The following NEK9 variants were observed in gnomAD, a reference collection of about 807,000 sequenced individuals.
NEK9 encodes the protein NIMA related kinase 9.
NEK9 carries 75 observed loss-of-function variants against 123.4 expected under a neutral mutation model. The observed-to-expected ratio is 0.61, with a 90% CI of 0.50 to 0.74. The LOEUF (loss-of-function observed/expected upper bound fraction) is 0.74. Among genes scored for constraint, NEK9 ranks in the 30% least tolerant of loss-of-function variants. NEK9 has a pLI of 0.00. For missense variants in NEK9, 952 were observed against 1,214.4 expected, an observed-to-expected ratio of 0.78 and a Z score of 3.21; for synonymous variants, 438 against 458.7, an observed-to-expected ratio of 0.95 and a Z score of 0.58.
At position 75,080,436 on chromosome 14, in the gene NEK9, TC is replaced by T. The variant is rs1255988657; in HGVS notation, c.*4127del. The T allele has an allele frequency of 6.6e-6, 1 of 152,196 alleles. No homozygotes were observed. Among genetic ancestry groups the T allele is most frequent in the Non-Finnish European group, 1.5e-5 (1 of 68,026 alleles). 9.4% of individuals were successfully genotyped at this position (152,196 alleles called of 1,614,324 possible). ...ACCTTTTTTTAAAAAAATCTGAATT[TC>T]TTCCTGGATAGCTCAGACGATGACA... On this transcript the variant is annotated 3_prime_UTR_variant, in exon 22 of 22. Coordinates refer to ENST00000238616, the MANE Select transcript of NEK9 (RefSeq NM_033116.6).
chr14:75,113,355 G>A lies in NEK9; in HGVS notation c.922C>T (p.Leu308Phe), dbSNP rs1895018522. The A allele has an allele frequency of 1.2e-6, 2 of 1,613,718 alleles. No individual in the cohort carries two copies. Among genetic ancestry groups the A allele is most frequent in the Non-Finnish European group, 1.7e-6 (2 of 1,179,636 alleles). Residue 308 changes from leucine (L) to phenylalanine (F), a missense_variant, in exon 8 of 22, where the codon CTC becomes TTC. Coordinates refer to ENST00000238616, the MANE Select transcript of NEK9 (RefSeq NM_033116.6). ...TADELLDRPL[L>F]RKRRREMEEK... ...ATAATTTACCTCCTGCGTTTCCTGA[G>A]AAGAGGGCGATCTAGAAGTTCATCT...
chr14:75,115,882 GA>G (rs1192136185), intron 6 of NEK9, among the ~76,000 whole-genome samples: 1 of 151,650 alleles, frequency 6.6e-6, no homozygotes, highest in Non-Finnish European at 1.5e-5. Flanking sequence ...CTTAAAAAAA[GA>G]AAAAAAGACT....
intron 21 of NEK9, 105 bp downstream of exon 21, chr14:75,086,913 A>C: frequency 8.2e-7 from 1 of 1,213,470 alleles, no homozygotes; most frequent in Non-Finnish European, 1.2e-6. Flanking sequence ...TCAAAAAAAA[A>C]GTAAGGACCT....
chr14:75,127,065 C>T, upstream of NEK9: 1 of 614,876 alleles, frequency 1.6e-6, no homozygotes, highest in South Asian at 2.3e-5. Context: ...TGCCCCCCGA[C>T]CCGGAAACAG....
At chr14:75,100,897 T>G in intron 16 of NEK9, 95 bp downstream of exon 16, 1 of 1,243,958 alleles carries the variant, frequency 8.0e-7, no homozygotes, top group Middle Eastern at 1.9e-4. Context: ...CATCCACAAT[T>G]CAGCTATACA....
intron 2 of NEK9, 86 bp downstream of exon 2, chr14:75,123,960 T>G: frequency 8.6e-7 from 1 of 1,164,008 alleles, no homozygotes; most frequent in Non-Finnish European, 1.2e-6. Context: ...TATCACTGTA[T>G]ATGTCTCTTC....
At position 75,088,544 on chromosome 14, in the gene NEK9, T is replaced by A. The variant is rs767767345; in HGVS notation, c.2540A>T (p.Glu847Val). The change falls in exon 20 of 22, where the codon GAG (glutamate) becomes GTG (valine). Residue 847 changes from glutamate (E) to valine (V), a missense_variant. By Grantham distance (121) the Glu-to-Val change is moderately radical. Transcript: ENST00000238616. Reference sequence around the variant, plus strand: ...AGAGGCCACTTTGAGTCCTTGCAGCTCTTCATAGGGCAGGGTATCTTTCTC... The same window carrying A: ...AGAGGCCACTTTGAGTCCTTGCAGCACTTCATAGGGCAGGGTATCTTTCTC... The part of the protein sequence containing the change: ...ESEKDTLPYE[E>V]LQGLKVASEA... 1 of 1,614,132 alleles carries A rather than the reference T, an allele frequency of 6.2e-7. No homozygotes were observed. Among genetic ancestry groups the A allele is most frequent in the Non-Finnish European group, 8.5e-7 (1 of 1,180,010 alleles).
rs771058935 is a variant in NEK9 at position 75,103,951 on chromosome 14, C to A, written c.1622G>T (p.Cys541Phe). The A allele has an allele frequency of 1.9e-6, 3 of 1,614,050 alleles. No homozygotes were observed. The Admixed American group carries it at 5.0e-5, about 27-fold the overall frequency. ...CTGGGTCAACAGAAATGTCCCATCA[C>A]AGCCACATTGAACTGCAACAATAAT... ...ALIIVAVQCG[C>F]DGTFLLTQSG... is the part of the protein sequence containing the mutation. Residue 541 changes from cysteine (C) to phenylalanine (F), a missense_variant, in exon 14 of 22, where the codon TGT becomes TTT. This residue lies in a region of NEK9 where 698 missense variants were observed against 875.6 expected (regional missense o/e 0.80). Transcript: ENST00000238616.
Position 75,082,773 on chromosome 14 carries a change from G to A in NEK9, c.*1791C>T. 1 of 389,162 alleles carries A rather than the reference G, an allele frequency of 2.6e-6. No individual in the cohort carries two copies. Among genetic ancestry groups the A allele is most frequent in the Non-Finnish European group, 4.5e-6 (1 of 220,502 alleles). The allele number at this position is 389,162 out of a possible 1,614,324, so 24.1% of individuals were successfully genotyped here. ...AGCATGAGGATACAGGGACATGACAGGTCAATCGGTCCTCAAGAAAATCAA... is the reference window on the plus strand; with the variant it reads ...AGCATGAGGATACAGGGACATGACAAGTCAATCGGTCCTCAAGAAAATCAA... On this transcript the variant is annotated 3_prime_UTR_variant, in exon 22 of 22. Transcript: ENST00000238616.
At chr14:75,087,948 C>G (rs1385755159) in intron 20 of NEK9, among the ~76,000 whole-genome samples, 2 of 152,158 alleles carry the variant, frequency 1.3e-5, no homozygotes, top group Non-Finnish European at 2.9e-5. Flanking sequence ...TGAGTAGTTG[C>G]AAAAGAGGCT....
intron 8 of NEK9, among the ~76,000 whole-genome samples, chr14:75,111,688 C>T (rs998242194): frequency 1.3e-5 from 2 of 152,052 alleles, no homozygotes; most frequent in East Asian, 1.9e-4. Context: ...GTCAGGAGTT[C>T]GAGACTAGCC....
In NEK9 at chr14:75,121,187, A is replaced by G; in HGVS notation, c.398-13T>C. 6.2e-7 allele frequency: 1 copy of G among 1,610,226 alleles called. No homozygotes were observed. The highest frequency in any genetic ancestry group is 1.3e-5 in the African/African-American group (1 of 74,994). On this transcript the variant is annotated splice_polypyrimidine_tract_variant and intron_variant, in intron 2 of 21. Transcript: ENST00000238616. ...TACAGGTTCCCTCCTGCAATTAAAC[A>G]AGACACAGATTTGAATTGCTTAATA... is the stretch of plus-strand genomic sequence containing the variant.
intron 2 of NEK9, among the ~76,000 whole-genome samples, chr14:75,122,009 C>G (rs778180286): frequency 3.9e-5 from 6 of 152,240 alleles, no homozygotes; most frequent in Admixed American, 3.3e-4. Flanking sequence ...TATCATTACT[C>G]TCTTTACTAA....
At chr14:75,123,637 G>A (rs175450) in intron 2 of NEK9, among the ~76,000 whole-genome samples, 60,497 of 151,890 alleles carry the variant, frequency 0.4, 12,672 homozygotes, top group Middle Eastern at 0.5. Flanking sequence ...TATGATCTTT[G>A]GACCACTTTT....
intron 3 of NEK9, 92 bp downstream of exon 3, chr14:75,121,027 C>T (rs751145224): frequency 9.5e-7 from 1 of 1,047,244 alleles, no homozygotes; most frequent in South Asian, 1.3e-5. Context: ...AGGAAAAAAA[C>T]ACTCTTCACT....
chr14:75,109,547 C>T, intron 10 of NEK9, 138 bp downstream of exon 10: 1 of 731,746 alleles, frequency 1.4e-6, no homozygotes, highest in South Asian at 2.0e-5. Context: ...AATCCCTGCT[C>T]TTATAAGAGC....
At chr14:75,089,944 G>A (rs1323677799) in intron 19 of NEK9, among the ~76,000 whole-genome samples, 17 of 151,940 alleles carry the variant, frequency 1.1e-4, no homozygotes, top group African/African-American at 2.4e-4. Context: ...TGATCCGCCC[G>A]CCTCAGCCTC....
At chr14:75,114,121 G>T in intron 7 of NEK9, 82 bp downstream of exon 7, 2 of 959,560 alleles carry the variant, frequency 2.1e-6, no homozygotes, top group Non-Finnish European at 3.3e-6. Context: ...GGTTTTGTAT[G>T]GTTTATAGCT....
chr14:75,104,078 GACA>G, intron 13 of NEK9, 81 bp from the exon 14 acceptor site: 1 of 1,388,830 alleles, frequency 7.2e-7, no homozygotes, highest in Non-Finnish European at 9.7e-7. Flanking sequence ...TTTCAAAAGA[GACA>G]TGCTGCATTT....
Sources: allele counts gnomAD v4.1 joint callset (sites outside exome capture counted in the v4.1 genomes callset), GRCh38; gene constraint gnomAD v4.1.1; regional missense constraint gnomAD v4.1.1; transcripts MANE v1.5; gene names NCBI Gene and HGNC (gene_info 2026-07-23, HGNC 2026-07-21).